The following HHIP variants were observed in gnomAD, a reference collection of about 807,000 sequenced individuals.
The protein encoded by HHIP is hedgehog interacting protein.
Under a neutral mutation model 74.0 loss-of-function variants are expected in HHIP, and 12 were observed. The ratio of observed to expected loss-of-function variants is 0.16; its 90% confidence interval spans 0.10 to 0.26. HHIP has a LOEUF of 0.26. Ranked by LOEUF, HHIP falls within the 10% of genes least tolerant of loss-of-function variation. The pLI is 1.00. For synonymous variants in HHIP, 309 were observed against 311.6 expected (o/e 0.99, Z 0.09); for missense variants, 788 against 845.0 (o/e 0.93, Z 0.84).
chr4:144,715,933 CAATAG>C (rs1322151078), intron 10 of HHIP, among the ~76,000 whole-genome samples: 1 of 151,952 alleles, frequency 6.6e-6, no homozygotes, highest in Non-Finnish European at 1.5e-5. Flanking sequence ...ATCTTCTTTC[CAATAG>C]AATAGAAATT....
intron 1 of HHIP, among the ~76,000 whole-genome samples, chr4:144,650,404 C>T (rs1728384874): frequency 6.6e-6 from 1 of 152,078 alleles, no homozygotes; most frequent in Admixed American, 6.6e-5. Flanking sequence ...TTGTATACGG[C>T]TTTTAAAAAT....
At chr4:144,717,981 A>G (rs1730510346) in intron 10 of HHIP, among the ~76,000 whole-genome samples, 3 of 152,214 alleles carry the variant, frequency 2.0e-5, no homozygotes, top group African/African-American at 7.2e-5. Context: ...ACAAATATTT[A>G]TTGAGCACCT....
rs141037827 is a variant in HHIP at position 144,699,484 on chromosome 4, G to A, written c.832-7047G>A. 1.0e-3 allele frequency among the ~76,000 whole-genome samples: 159 copies of A among 152,206 alleles called. 7 individuals carry two copies. The East Asian group carries it at 0.03, about 29-fold the overall frequency. ...TGATTGATTGAATTACTGGCCATTG[G>A]TGATTGAACCCAACCTCCAACCTCT... On this transcript the variant is annotated intron_variant, in intron 4 of 12. Transcript: ENST00000296575.
chr4:144,724,980 T>A (rs1161816503), intron 11 of HHIP, among the ~76,000 whole-genome samples: 1 of 152,002 alleles, frequency 6.6e-6, no homozygotes, highest in Non-Finnish European at 1.5e-5. Context: ...ATATATTGAG[T>A]GAAAAATTCT....
chr4:144,653,296 C>T (rs1208522951), intron 2 of HHIP, among the ~76,000 whole-genome samples: 1 of 152,048 alleles, frequency 6.6e-6, no homozygotes, highest in Non-Finnish European at 1.5e-5. Context: ...TAATTTTCTC[C>T]TCAAAAACCC....
chr4:144,727,779 C>T (rs1454120659), intron 11 of HHIP, among the ~76,000 whole-genome samples: 3 of 152,002 alleles, frequency 2.0e-5, no homozygotes, highest in East Asian at 3.9e-4. Flanking sequence ...ATCCACATAC[C>T]CTTTTAGATA....
At chr4:144,683,701 G>T (rs6537308) in intron 4 of HHIP, among the ~76,000 whole-genome samples, 90,463 of 151,912 alleles carry the variant, frequency 0.6, 27,072 homozygotes, top group South Asian at 0.78. Context: ...AAAGTTTTAT[G>T]GGAACACAAC....
intron 1 of HHIP, among the ~76,000 whole-genome samples, chr4:144,647,988 T>TA (rs76968227): frequency 0.031 from 4,627 of 147,908 alleles, 248 homozygotes; most frequent in African/African-American, 0.11. Context: ...CCAGGCATAA[T>TA]AAAAAAAAAA....
intron 1 of HHIP, among the ~76,000 whole-genome samples, chr4:144,649,048 C>T (rs1728348531): frequency 6.6e-6 from 1 of 152,146 alleles, no homozygotes. Context: ...TATGCATATG[C>T]ATTCTTGACC....
At chr4:144,714,073 T>A in intron 8 of HHIP, 152 bp from the exon 9 acceptor site, 2 of 637,622 alleles carry the variant, frequency 3.1e-6, no homozygotes, top group South Asian at 4.4e-5. Context: ...TAGCAAAGAC[T>A]GTTTTCATTA....
chr4:144,647,464 T>C (rs570128537), intron 1 of HHIP, among the ~76,000 whole-genome samples: 1 of 152,324 alleles, frequency 6.6e-6, no homozygotes, highest in African/African-American at 2.4e-5. Context: ...TTGCATTACA[T>C]TAGTTAAACC....
At chr4:144,728,553 C>G (rs772561750) in intron 11 of HHIP, among the ~76,000 whole-genome samples, 8 of 151,796 alleles carry the variant, frequency 5.3e-5, no homozygotes, top group Non-Finnish European at 1.2e-4. Context: ...TTTTTTTCCT[C>G]TTTATTCTAG....
At chr4:144,726,818 T>C (rs1730819398) in intron 11 of HHIP, among the ~76,000 whole-genome samples, 1 of 152,208 alleles carries the variant, frequency 6.6e-6, no homozygotes, top group Non-Finnish European at 1.5e-5. Context: ...TTTCCCTCTC[T>C]CTCGATGCAT....
intron 8 of HHIP, among the ~76,000 whole-genome samples, chr4:144,712,953 G>GA (rs560590780): frequency 0.067 from 7,527 of 112,496 alleles, 598 homozygotes; most frequent in African/African-American, 0.21. Context: ...ATGTGATTTG[G>GA]AAAAAAAAAA....
chr4:144,724,298 A>T (rs1238690258), intron 11 of HHIP, among the ~76,000 whole-genome samples: 1 of 152,164 alleles, frequency 6.6e-6, no homozygotes, highest in Non-Finnish European at 1.5e-5. Flanking sequence ...TATGACAAAA[A>T]ACTTTGTGTG....
chr4:144,697,407 A>C (rs936225103), intron 4 of HHIP, among the ~76,000 whole-genome samples: 1 of 152,064 alleles, frequency 6.6e-6, no homozygotes, highest in African/African-American at 2.4e-5. Flanking sequence ...CTCATTGAGA[A>C]GATATTTTAG....
At chr4:144,697,518 G>C (rs1729853967) in intron 4 of HHIP, among the ~76,000 whole-genome samples, 1 of 151,842 alleles carries the variant, frequency 6.6e-6, no homozygotes, top group Non-Finnish European at 1.5e-5. Context: ...GGATTCCTTG[G>C]GCACATATAT....
chr4:144,653,693 A>G (rs1728484272), intron 2 of HHIP, among the ~76,000 whole-genome samples: 1 of 152,182 alleles, frequency 6.6e-6, no homozygotes. Context: ...GAATGCACCA[A>G]GAGAATTTTT....
intron 4 of HHIP, among the ~76,000 whole-genome samples, chr4:144,689,395 A>C (rs1281441642): frequency 6.6e-6 from 1 of 152,198 alleles, no homozygotes; most frequent in East Asian, 1.9e-4. Flanking sequence ...ACAAAGAAAA[A>C]CAAATTGTCT....
Sources: gnomAD v4.1 joint callset for allele counts (sites outside exome capture counted in the v4.1 genomes callset) on GRCh38, gnomAD v4.1.1 for gene constraint, MANE v1.5 for transcripts, NCBI Gene and HGNC (gene_info 2026-07-23, HGNC 2026-07-21) for gene names.